PLD1: variants seen among roughly 807,000 people sequenced by gnomAD.
PLD1 encodes choline phosphatase 1.
In PLD1, 112 loss-of-function variants were observed where a neutral mutation model predicts 137.1. The observed-to-expected ratio is 0.82, with a 90% CI of 0.70 to 0.96. The LOEUF is 0.96. Among genes scored for constraint, PLD1 ranks in the 40% least tolerant of loss-of-function variants. The pLI is 0.00. For missense variants in PLD1, 1,321 were observed against 1,342.0 expected (o/e 0.98, Z 0.24); for synonymous variants, 431 against 454.7 (o/e 0.95, Z 0.66).
chr3:171,678,403 T>C (rs1384926649), intron 16 of PLD1, among the ~76,000 whole-genome samples: 2 of 152,214 alleles, frequency 1.3e-5, no homozygotes, highest in African/African-American at 4.8e-5. Context: ...TAACAACAGA[T>C]GAAAGCTTAT....
At chr3:171,808,019 A>C (rs1723924393) in intron 1 of PLD1, among the ~76,000 whole-genome samples, 1 of 152,216 alleles carries the variant, frequency 6.6e-6, no homozygotes, top group African/African-American at 2.4e-5. Context: ...TGGAAGGTAA[A>C]CATTGGGTAC....
At chr3:171,777,495 G>A (rs569284793) in intron 1 of PLD1, among the ~76,000 whole-genome samples, 3 of 152,172 alleles carry the variant, frequency 2.0e-5, no homozygotes, top group Non-Finnish European at 4.4e-5. Context: ...CCAATCTAAG[G>A]AAGGGTTTCC....
intron 26 of PLD1, among the ~76,000 whole-genome samples, chr3:171,604,541 A>G (rs2108249718): frequency 6.6e-6 from 1 of 152,268 alleles, no homozygotes; most frequent in East Asian, 1.9e-4. Context: ...AGTCTGGGCT[A>G]GAACACAGCT....
chr3:171,735,081 T>C (rs988158811), intron 4 of PLD1, 111 bp from the exon 5 acceptor site: 5 of 664,374 alleles, frequency 7.5e-6, no homozygotes, highest in South Asian at 5.4e-5. Flanking sequence ...TAATTGAAAA[T>C]ATCTACCAAC....
chr3:171,698,911 G>A (rs924759327), intron 12 of PLD1, among the ~76,000 whole-genome samples: 3 of 149,726 alleles, frequency 2.0e-5, no homozygotes, highest in Admixed American at 2.0e-4. Flanking sequence ...GGGAGGCAGA[G>A]GTTGCAGTGA....
At chr3:171,807,575 A>T (rs545309896) in intron 1 of PLD1, among the ~76,000 whole-genome samples, 8 of 152,328 alleles carry the variant, frequency 5.3e-5, no homozygotes, top group Admixed American at 5.2e-4. Context: ...AAGAGAAAAA[A>T]AATTTTTTAA....
chr3:171,780,022 G>A (rs1722735897), intron 1 of PLD1, among the ~76,000 whole-genome samples: 1 of 152,122 alleles, frequency 6.6e-6, no homozygotes, highest in Non-Finnish European at 1.5e-5. Flanking sequence ...TTCAGGACGG[G>A]GGTTTATATA....
chr3:171,786,309 G>C (rs1050242086), intron 1 of PLD1, among the ~76,000 whole-genome samples: 2 of 152,090 alleles, frequency 1.3e-5, no homozygotes, highest in Non-Finnish European at 2.9e-5. Flanking sequence ...TTTATCCCTG[G>C]CTGAACTAAT....
intron 1 of PLD1, among the ~76,000 whole-genome samples, chr3:171,763,080 C>T (rs555357922): frequency 2.6e-5 from 4 of 152,164 alleles, no homozygotes; most frequent in African/African-American, 7.2e-5. Flanking sequence ...CTCTGAGTTC[C>T]AGCACCATAC....
At chr3:171,755,732 G>A (rs150990387) in intron 1 of PLD1, among the ~76,000 whole-genome samples, 1 of 152,296 alleles carries the variant, frequency 6.6e-6, no homozygotes, top group Admixed American at 6.5e-5. Context: ...CCTGAAGAGA[G>A]AGGCCATCTC....
chr3:171,684,569 T>C (rs144457721), intron 16 of PLD1, among the ~76,000 whole-genome samples: 1 of 152,304 alleles, frequency 6.6e-6, no homozygotes, highest in Admixed American at 6.5e-5. Flanking sequence ...TTTGTTCTTC[T>C]CCATTTTTAT....
chr3:171,709,011 C>T, intron 10 of PLD1, 173 bp from the exon 11 acceptor site: 1 of 582,342 alleles, frequency 1.7e-6, no homozygotes, highest in Non-Finnish European at 3.0e-6. Context: ...GTTTCCTCTG[C>T]TGCCTAGGAA....
chr3:171,760,234 T>A (rs889798973), intron 1 of PLD1, among the ~76,000 whole-genome samples: 3 of 152,222 alleles, frequency 2.0e-5, no homozygotes, highest in African/African-American at 7.2e-5. Context: ...GTTTTATCCT[T>A]TTTGTGATTT....
chr3:171,643,231 A>G (rs9290423), intron 22 of PLD1: 13,009 of 206,280 alleles, frequency 0.063, 1,386 homozygotes, highest in African/African-American at 0.25. Flanking sequence ...GCATCAGTAG[A>G]TAAGAATACT....
Position 171,612,174 on chromosome 3 carries a change from TGAA to T in PLD1, c.2882+102_2882+104del, listed in dbSNP as rs540217378. 4.5e-5 allele frequency: 44 copies of T among 978,174 alleles called. No homozygotes were observed. The East Asian group carries it at 6.0e-4, about 13-fold the overall frequency. The allele number at this position is 978,174 out of a possible 1,614,324, so 60.6% of individuals were successfully genotyped here. ...ATATTCTGGGACACACTGTTTTAGA[TGAA>T]GAAGAACCTAGGATGACCCATGTGC... On this transcript the variant is annotated intron_variant, in intron 25 of 26. Coordinates refer to ENST00000351298, the MANE Select transcript of PLD1 (RefSeq NM_002662.5). The surrounding 1 kb of genome is among the most constrained non-coding windows in gnomAD (Gnocchi z 4.1).
intron 17 of PLD1, 130 bp downstream of exon 17, chr3:171,677,436 G>C (rs528597697): frequency 1.1e-6 from 1 of 892,906 alleles, no homozygotes; most frequent in South Asian, 1.9e-5. Context: ...AGTCTCCAAA[G>C]TTTTAAAAAA....
intron 1 of PLD1, among the ~76,000 whole-genome samples, chr3:171,746,467 G>C (rs1560272992): frequency 6.6e-6 from 1 of 152,062 alleles, no homozygotes; most frequent in Non-Finnish European, 1.5e-5. Context: ...CAGCTAATCT[G>C]GTGGGGACTT....
rs1259635044 is a variant in PLD1 at position 171,644,826 on chromosome 3, T to A, written c.2543+84A>T. 6.1e-6 allele frequency: 5 copies of A among 816,196 alleles called. No individual in the cohort carries two copies. In the East Asian group the frequency reaches 7.3e-5, roughly 12 times the overall value. 50.6% of individuals were successfully genotyped at this position (816,196 alleles called of 1,614,324 possible). On this transcript the variant is annotated intron_variant, in intron 22 of 26. Coordinates refer to ENST00000351298, the MANE Select transcript of PLD1 (RefSeq NM_002662.5). ...TTTGTTCCCCACTCCACCGAATGGA[T>A]GTGGAGAAACACTGCCATTCCCTTC...
chr3:171,624,283 CATAATT>C (rs1168254369), intron 23 of PLD1, among the ~76,000 whole-genome samples: 2 of 152,018 alleles, frequency 1.3e-5, no homozygotes, highest in East Asian at 1.9e-4. Flanking sequence ...CATCTTGACT[CATAATT>C]ATAGGAATGC....
Sources: allele counts gnomAD v4.1 joint callset (sites outside exome capture counted in the v4.1 genomes callset), GRCh38; gene constraint gnomAD v4.1.1; non-coding constraint Gnocchi (gnomAD v3.1); transcripts MANE v1.5; gene names NCBI Gene and HGNC (gene_info 2026-07-23, HGNC 2026-07-21).